Variants in FRMD6 observed in about 807,000 individuals in gnomAD.
The protein encoded by FRMD6 is FERM domain-containing protein 6.
Under a neutral mutation model 73.2 loss-of-function variants are expected in FRMD6, and 37 were observed. The ratio of observed to expected loss-of-function variants is 0.51; its 90% CI spans 0.39 to 0.66. The LOEUF is 0.66. Among genes scored for constraint, FRMD6 ranks in the 30% least tolerant of loss-of-function variants. FRMD6 has a pLI of 0.00. For missense variants in FRMD6, 714 were observed against 780.5 expected (o/e 0.91, Z 1.02); for synonymous variants, 273 against 282.2 (o/e 0.97, Z 0.33).
At chr14:51,489,843 C>T (rs905405687) in intron 1 of FRMD6, among the ~76,000 whole-genome samples, 3 of 152,122 alleles carry the variant, frequency 2.0e-5, no homozygotes, top group African/African-American at 7.2e-5. Flanking sequence ...TTTGATGCAC[C>T]GTTTTATTCT....
In FRMD6 at chr14:51,684,976, A is replaced by G. The variant is rs140438878; in HGVS notation, c.-146-4715A>G. ...ACAAGTAGATTATCCACACAAGGAAAAACTTCTTACTGAGCATGAGTTAGT... is the reference window on the plus strand; with the variant it reads ...ACAAGTAGATTATCCACACAAGGAAGAACTTCTTACTGAGCATGAGTTAGT... On this transcript the variant is annotated intron_variant, in intron 1 of 13. Coordinates refer to ENST00000344768, the MANE Select transcript of FRMD6 (RefSeq NM_001267046.2). Among the ~76,000 whole-genome samples the G allele has an allele frequency of 7.2e-5, 11 of 152,278 alleles. No individual in the cohort carries two copies. In the East Asian group the frequency reaches 1.9e-3, roughly 27 times the overall value.
chr14:51,658,128 C>T (rs1183614602), intron 1 of FRMD6, among the ~76,000 whole-genome samples: 1 of 152,154 alleles, frequency 6.6e-6, no homozygotes. Flanking sequence ...GCAAGTGAGT[C>T]CATTGGGGGG....
chr14:51,482,655 A>T, the FRMD6 span, among the ~76,000 whole-genome samples: 10 of 145,816 alleles, frequency 6.9e-5, no homozygotes, highest in East Asian at 2.0e-3. Flanking sequence ...GTGCAATTGG[A>T]GAAGGAACTT....
chr14:51,646,054 C>G (rs1892051843), intron 2 of FRMD6, among the ~76,000 whole-genome samples: 1 of 151,940 alleles, frequency 6.6e-6, no homozygotes, highest in South Asian at 2.1e-4. Context: ...TGCGGTGGCT[C>G]AAGCCTGTAA....
At chr14:51,661,364 A>G (rs1024029378) in intron 1 of FRMD6, among the ~76,000 whole-genome samples, 9 of 152,318 alleles carry the variant, frequency 5.9e-5, no homozygotes, top group South Asian at 4.1e-4. Context: ...TTTTTCCAAC[A>G]TAGTGAACCC....
At chr14:51,521,567 A>G (rs2140297003) in intron 1 of FRMD6, among the ~76,000 whole-genome samples, 1 of 152,242 alleles carries the variant, frequency 6.6e-6, no homozygotes, top group East Asian at 1.9e-4. Context: ...TAGCTCTAAA[A>G]AAAAAAAGAC....
chr14:51,707,135 T>C (rs561854497), intron 6 of FRMD6, among the ~76,000 whole-genome samples: 2 of 152,182 alleles, frequency 1.3e-5, no homozygotes, highest in African/African-American at 4.8e-5. Flanking sequence ...GGTTGATAAA[T>C]AACTGATTTA....
the FRMD6 span, among the ~76,000 whole-genome samples, chr14:51,415,286 G>C: frequency 6.6e-6 from 1 of 152,208 alleles, no homozygotes; most frequent in South Asian, 2.1e-4. Context: ...GATATTGGCT[G>C]TGGGTTTGTA....
At chr14:51,589,628 C>T (rs980385932) in intron 2 of FRMD6, among the ~76,000 whole-genome samples, 2 of 151,826 alleles carry the variant, frequency 1.3e-5, no homozygotes, top group East Asian at 1.9e-4. Flanking sequence ...TCTGTTACTA[C>T]CCCTCTGGTT....
chr14:51,678,715 C>G (rs1229849012), intron 1 of FRMD6, among the ~76,000 whole-genome samples: 1 of 152,008 alleles, frequency 6.6e-6, no homozygotes, highest in African/African-American at 2.4e-5. Flanking sequence ...CTCCAGTCCT[C>G]CATGGGGAGC....
intron 1 of FRMD6, chr14:51,522,885 G>T (rs1278215981): frequency 2.6e-5 from 4 of 152,208 alleles, no homozygotes; most frequent in Non-Finnish European, 1.5e-5. Flanking sequence ...AGCAGCCTGT[G>T]TACTCAATTG....
intron 1 of FRMD6, among the ~76,000 whole-genome samples, chr14:51,510,049 A>G (rs1010445338): frequency 6.6e-6 from 1 of 152,254 alleles, no homozygotes; most frequent in African/African-American, 2.4e-5. Context: ...TTTTGGAGGA[A>G]AACATTTCAG....
At chr14:51,595,219 G>T (rs535745599) in intron 2 of FRMD6, among the ~76,000 whole-genome samples, 6 of 152,302 alleles carry the variant, frequency 3.9e-5, no homozygotes, top group Admixed American at 2.6e-4. Context: ...CCCTAACTCT[G>T]AGTGCCTGGA....
chr14:51,635,879 ACTC>A (rs1382539740), intron 2 of FRMD6, among the ~76,000 whole-genome samples: 2 of 152,098 alleles, frequency 1.3e-5, no homozygotes, highest in African/African-American at 2.4e-5. Flanking sequence ...GTAGAAAAAC[ACTC>A]CTATTTTCCT....
intron 2 of FRMD6, among the ~76,000 whole-genome samples, chr14:51,616,798 G>A (rs1247088103): frequency 6.6e-6 from 1 of 152,104 alleles, no homozygotes; most frequent in Non-Finnish European, 1.5e-5. Context: ...ACAGGAACAT[G>A]AGCCAAAAAA....
At chr14:51,602,872 A>G (rs749316203) in intron 2 of FRMD6, among the ~76,000 whole-genome samples, 7 of 152,252 alleles carry the variant, frequency 4.6e-5, no homozygotes, top group Non-Finnish European at 8.8e-5. Context: ...ACAAAACTTC[A>G]TGCTAACCAT....
In FRMD6 at chr14:51,689,719, G is replaced by C. The variant is rs1895410117; in HGVS notation, c.-118G>C. Reference sequence around the variant, plus strand: ...TGAAACCCACGTAGTCGAACACCGTGATGCTTCTCCTGCAGGGCGTGTGAT... The same window carrying C: ...TGAAACCCACGTAGTCGAACACCGTCATGCTTCTCCTGCAGGGCGTGTGAT... On this transcript the variant is annotated 5_prime_UTR_variant, in exon 2 of 14. Coordinates refer to ENST00000344768, the MANE Select transcript of FRMD6 (RefSeq NM_001267046.2). 1.4e-6 allele frequency: 1 copy of C among 711,686 alleles called. No homozygotes were observed. The highest frequency in any genetic ancestry group is 1.6e-5 in the South Asian group (1 of 63,872). 44.1% of individuals were successfully genotyped at this position (711,686 alleles called of 1,614,324 possible).
chr14:51,576,827 C>G (rs769344358), intron 2 of FRMD6, among the ~76,000 whole-genome samples: 1 of 152,190 alleles, frequency 6.6e-6, no homozygotes, highest in Non-Finnish European at 1.5e-5. Context: ...GTATGGAAGA[C>G]AGGTCCTCCT....
At chr14:51,446,386 G>A in the FRMD6 span, among the ~76,000 whole-genome samples, 1 of 150,854 alleles carries the variant, frequency 6.6e-6, no homozygotes. Flanking sequence ...GAGTATATGA[G>A]GGAGCAAAGA....
Sources: gnomAD v4.1 joint callset for allele counts (sites outside exome capture counted in the v4.1 genomes callset) on GRCh38, gnomAD v4.1.1 for gene constraint, MANE v1.5 for transcripts, NCBI Gene and HGNC (gene_info 2026-07-23, HGNC 2026-07-21) for gene names.